Variants in FMR1 observed in about 807,000 individuals in gnomAD.
FMR1 encodes fragile X messenger ribonucleoprotein 1.
FMR1 carries 13 observed loss-of-function variants against 50.6 expected under a neutral mutation model. The observed-to-expected ratio is 0.26, with a 90% CI of 0.17 to 0.41. The LOEUF is 0.41. Ranked by LOEUF, FMR1 falls within the 10% of genes least tolerant of loss-of-function variation. The pLI is 1.00. For synonymous variants in FMR1, 138 were observed against 164.1 expected (o/e 0.84, Z 1.22); for missense variants, 316 against 491.3 (o/e 0.64, Z 3.37).
At position 147,916,840 on chromosome X, in the gene FMR1, C is replaced by A. The variant is rs782606034; in HGVS notation, c.51+4610C>A. On this transcript the variant is annotated intron_variant, in intron 1 of 16. Coordinates refer to ENST00000370475, the MANE Select transcript of FMR1 (RefSeq NM_002024.6). ...GCAACCTCCACCTCTCGGGTTCAAG[C>A]CAGTCTCATGCTTCAGCCTTCCGGG... is the stretch of plus-strand genomic sequence containing the variant. Among the ~76,000 whole-genome samples the A allele has an allele frequency of 3.6e-5, 4 of 111,754 alleles. No homozygotes were observed. In the East Asian group the frequency reaches 1.1e-3, roughly 32 times the overall value.
At chrX:147,944,760 T>TAGGG (rs1557181545) in intron 14 of FMR1, 109 bp from the exon 15 acceptor site, 3 of 1,113,710 alleles carry the variant, frequency 2.7e-6, no homozygotes, top group Non-Finnish European at 3.5e-6. Context: ...GGCTTATAAA[T>TAGGG]TGGGAAGAGT....
intron 14 of FMR1, chrX:147,944,100 A>C: frequency 1.4e-6 from 1 of 724,403 alleles, no homozygotes; most frequent in Non-Finnish European, 1.6e-6. Context: ...AGTTGGGGAG[A>C]GTTACCTACT....
At chrX:147,917,909 G>T (rs1557175567) in intron 1 of FMR1, among the ~76,000 whole-genome samples, 2 of 111,601 alleles carry the variant, frequency 1.8e-5, no homozygotes, top group African/African-American at 3.3e-5. Flanking sequence ...TAACCACTAA[G>T]TACACTGACT....
At chrX:147,944,320 C>A in intron 14 of FMR1, 1 of 753,437 alleles carries the variant, frequency 1.3e-6, no homozygotes, top group Non-Finnish European at 1.6e-6. Context: ...GTGGACCAAA[C>A]ATCAGGCAAG....
intron 3 of FMR1, among the ~76,000 whole-genome samples, chrX:147,927,332 C>T: frequency 8.9e-6 from 1 of 111,869 alleles, no homozygotes; most frequent in South Asian, 3.7e-4. Flanking sequence ...CACTGTCTTA[C>T]ACACCGATTC....
intron 1 of FMR1, among the ~76,000 whole-genome samples, chrX:147,915,487 T>C (rs1308624223): frequency 1.8e-5 from 2 of 111,735 alleles, no homozygotes; most frequent in Non-Finnish European, 3.8e-5. Context: ...ACATTTTTTT[T>C]CCTTCCTACA....
chrX:147,916,619 T>C (rs781887597), intron 1 of FMR1, among the ~76,000 whole-genome samples: 1 of 111,626 alleles, frequency 9.0e-6, no homozygotes, highest in South Asian at 3.7e-4. Context: ...CTTTTTTCTT[T>C]CCTTTTCTTT....
chrX:147,917,663 A>G (rs4949), intron 1 of FMR1, among the ~76,000 whole-genome samples: 56,593 of 110,747 alleles, frequency 0.51, 11,490 homozygotes, highest in African/African-American at 0.75. Context: ...AAATGCAAAA[A>G]CATTTATGAT....
intron 13 of FMR1, among the ~76,000 whole-genome samples, chrX:147,941,710 G>T (rs1459633237): frequency 0.014 from 1 of 72 alleles, no homozygotes; most frequent in Non-Finnish European, 0.029. Context: ...ATCTCTCTGT[G>T]TGTGTGTCTC....
At chrX:147,941,829 C>A (rs1406781792) in intron 13 of FMR1, among the ~76,000 whole-genome samples, 2 of 112,377 alleles carry the variant, frequency 1.8e-5, no homozygotes, top group Non-Finnish European at 3.8e-5. Flanking sequence ...TTGATTTATT[C>A]TCAAGAATAT....
At chrX:147,916,270 A>T (rs2042852856) in intron 1 of FMR1, among the ~76,000 whole-genome samples, 1 of 112,404 alleles carries the variant, frequency 8.9e-6, no homozygotes, top group Non-Finnish European at 1.9e-5. Flanking sequence ...TTCTTTGCAC[A>T]TGTCTCTGTT....
At chrX:147,928,581 TAA>T (rs1365193767) in intron 4 of FMR1, 76 bp from the exon 5 acceptor site, 1 of 961,287 alleles carries the variant, frequency 1.0e-6, no homozygotes, top group Non-Finnish European at 1.5e-6. Context: ...TTATTTATTT[TAA>T]AATAACTGAA....
At chrX:147,945,906 C>T (rs782016744) in intron 16 of FMR1, among the ~76,000 whole-genome samples, 1 of 110,920 alleles carries the variant, frequency 9.0e-6, no homozygotes, top group Non-Finnish European at 1.9e-5. Context: ...ACGGGAGTTT[C>T]GCTTTTGTTG....
rs368531566 is a variant in FMR1 at position 147,922,029 on chromosome X, ATT to A, written c.104+47_104+48del. ...AATTTTAATGATGAGGTTCTTTAAT[ATT>A]TTATGCTAATTCTACTCTTCATTTT... On this transcript the variant is annotated intron_variant, in intron 2 of 16. Coordinates refer to ENST00000370475, the MANE Select transcript of FMR1 (RefSeq NM_002024.6). 8.3e-5 allele frequency: 66 copies of A among 794,536 alleles called. No individual in the cohort carries two copies. In the African/African-American group the frequency reaches 1.2e-3, roughly 15 times the overall value. The allele number at this position is 794,536 out of a possible 1,213,427, so 65.5% of individuals were successfully genotyped here.
At chrX:147,917,511 C>G (rs782499922) in intron 1 of FMR1, among the ~76,000 whole-genome samples, 309 of 111,767 alleles carry the variant, frequency 2.8e-3, no homozygotes, top group African/African-American at 9.6e-3. Flanking sequence ...TTCCAAGATT[C>G]TCATCACATT....
Position 147,945,551 on chromosome X carries a change from C to A in FMR1, c.1672C>A (p.Arg558=), listed in dbSNP as rs369023505. Residue 558 remains arginine (R), a synonymous_variant, in exon 16 of 17, where the codon CGA becomes AGA. Transcript: ENST00000370475. ...GGFKGNDDHS[R]TDNRPRNPRE... ...TCTCATAGGAAACGACGATCACTCC[C>A]GAACAGATAATCGTCCACGTAATCC... is the stretch of plus-strand genomic sequence containing the variant. 46 of 1,206,764 alleles carry A rather than the reference C, an allele frequency of 3.8e-5. No homozygotes were observed. The African/African-American group carries it at 7.7e-4, about 20-fold the overall frequency.
rs1364861280 is a variant in FMR1, at chrX:147,949,886, A to G, written c.*1042A>G. ...ATAGGAAGGTCATTTCCATGTATGC[A>G]TAATAATCCTGCAAAGTACAGGTAC... On this transcript the variant is annotated 3_prime_UTR_variant, in exon 17 of 17. Coordinates refer to ENST00000370475, the MANE Select transcript of FMR1 (RefSeq NM_002024.6). The G allele has an allele frequency of 6.2e-6, 2 of 324,907 alleles. No homozygotes were observed. The highest frequency in any genetic ancestry group is 9.8e-5 in the East Asian group (1 of 10,244). 26.8% of individuals were successfully genotyped at this position (324,907 alleles called of 1,213,427 possible). A position where few individuals can be genotyped will look rare whatever the true frequency, so the allele number is the denominator to read the frequency against.
chrX:147,925,472 C>A, intron 2 of FMR1, 68 bp from the exon 3 acceptor site: 1 of 815,094 alleles, frequency 1.2e-6, no homozygotes, highest in Non-Finnish European at 1.9e-6. Context: ...AAGTTGATGG[C>A]AGAGTGGTCA....
rs1557183723 is a variant in FMR1, at chrX:147,951,114, A to G, written c.*2270A>G. 4.6e-6 allele frequency: 1 copy of G among 216,146 alleles called. No homozygotes were observed. Among genetic ancestry groups the G allele is most frequent in the Non-Finnish European group, 8.8e-6 (1 of 114,224 alleles). The allele number at this position is 216,146 out of a possible 1,213,427, so 17.8% of individuals were successfully genotyped here. ...TTTTATTAAAAAGTTGCACTTATGA[A>G]AAAGCAAAAAATTAGTCTGACAGAT... On this transcript the variant is annotated 3_prime_UTR_variant, in exon 17 of 17. Coordinates refer to ENST00000370475, the MANE Select transcript of FMR1 (RefSeq NM_002024.6).
Sources: gnomAD v4.1 joint callset for allele counts (sites outside exome capture counted in the v4.1 genomes callset) on GRCh38, gnomAD v4.1.1 for gene constraint, MANE v1.5 for transcripts, NCBI Gene and HGNC (gene_info 2026-07-23, HGNC 2026-07-21) for gene names.